Variants in NTM observed in about 807,000 individuals in gnomAD.
NTM encodes IgLON family member 2.
NTM carries 13 observed loss-of-function variants against 42.1 expected under a neutral mutation model. The observed-to-expected ratio is 0.31, with a 90% confidence interval of 0.20 to 0.49. NTM has a LOEUF of 0.49. Ranked by LOEUF, NTM falls within the 20% of genes least tolerant of loss-of-function variation. The probability of loss-of-function intolerance (pLI) is 0.99; values close to 1 mark genes in which losing one functional copy is unlikely to be tolerated. For missense variants in NTM, 373 were observed against 452.8 expected (o/e 0.82, Z 1.60); for synonymous variants, 187 against 179.2 (o/e 1.04, Z -0.35).
intron 7 of NTM, among the ~76,000 whole-genome samples, chr11:132,319,822 C>G: frequency 6.6e-6 from 1 of 152,226 alleles, no homozygotes; most frequent in East Asian, 1.9e-4. Flanking sequence ...ACTGCCTCCT[C>G]CAGTGGGTCC....
At chr11:132,139,437 A>G (rs1233029324) in intron 2 of NTM, among the ~76,000 whole-genome samples, 4 of 152,232 alleles carry the variant, frequency 2.6e-5, no homozygotes, top group Non-Finnish European at 4.4e-5. Flanking sequence ...TTGTAGGTAC[A>G]AATCAAAGTG....
chr11:131,703,667 C>G (rs1459669208), intron 1 of NTM, among the ~76,000 whole-genome samples: 1 of 152,204 alleles, frequency 6.6e-6, no homozygotes, highest in Admixed American at 6.5e-5. Context: ...GGCCACAGCA[C>G]CTTGGTGGAG....
At chr11:132,328,596 T>C (rs890777488) in intron 7 of NTM, among the ~76,000 whole-genome samples, 7 of 152,156 alleles carry the variant, frequency 4.6e-5, no homozygotes, top group Non-Finnish European at 7.3e-5. Context: ...TCTTCCTGTG[T>C]CCTTCCTCCA....
intron 4 of NTM, among the ~76,000 whole-genome samples, chr11:132,243,484 T>C (rs1332636539): frequency 1.3e-5 from 2 of 151,986 alleles, no homozygotes; most frequent in African/African-American, 4.8e-5. Context: ...GGCCTGGGAG[T>C]GCAGAATCCC....
chr11:132,238,300 G>A (rs73597221), intron 4 of NTM, among the ~76,000 whole-genome samples: 19,234 of 152,028 alleles, frequency 0.13, 2,244 homozygotes, highest in African/African-American at 0.31. Flanking sequence ...TGGAGTGAGG[G>A]ACCAAGGGAG....
intron 1 of NTM, among the ~76,000 whole-genome samples, chr11:131,805,103 C>T (rs923152610): frequency 2.2e-4 from 33 of 152,260 alleles, no homozygotes; most frequent in African/African-American, 7.7e-4. Context: ...ATAGATGAAA[C>T]ATTCACGTTA....
At chr11:131,789,639 G>GAAGAAGAAGAA (rs2090496681) in intron 1 of NTM, among the ~76,000 whole-genome samples, 1 of 109,682 alleles carries the variant, frequency 9.1e-6, no homozygotes, top group Non-Finnish European at 1.8e-5. Context: ...AAGAAGAAAA[G>GAAGAAGAAGAA]AAGAAGAAGA....
At chr11:132,140,902 G>A (rs1189220490) in intron 2 of NTM, 1 of 152,218 alleles carries the variant, frequency 6.6e-6, no homozygotes, top group Non-Finnish European at 1.5e-5. Context: ...TGTGATAAGA[G>A]GCAATTGTGA....
At chr11:131,527,621 G>A (rs1201362170) in intron 1 of NTM, among the ~76,000 whole-genome samples, 1 of 152,176 alleles carries the variant, frequency 6.6e-6, no homozygotes, top group Admixed American at 6.5e-5. Context: ...CTTGGAAAAA[G>A]CCATCTTATG....
chr11:131,549,141 G>T (rs908726530), intron 1 of NTM, among the ~76,000 whole-genome samples: 2 of 152,158 alleles, frequency 1.3e-5, no homozygotes, highest in Non-Finnish European at 2.9e-5. Flanking sequence ...ACAGTTTAGA[G>T]GCCGGCTGGG....
intron 4 of NTM, among the ~76,000 whole-genome samples, chr11:132,304,969 T>G (rs369370361): frequency 7.2e-5 from 11 of 152,220 alleles, no homozygotes; most frequent in Admixed American, 6.5e-4. Context: ...CCATACGCCT[T>G]CCCCAAAACT....
chr11:131,537,672 T>C (rs1018020113), intron 1 of NTM: 12 of 152,322 alleles, frequency 7.9e-5, no homozygotes, highest in Non-Finnish European at 1.6e-4. Flanking sequence ...ACCTGTCCCT[T>C]GGCAGGAGAG....
intron 2 of NTM, among the ~76,000 whole-genome samples, chr11:132,038,754 G>T (rs892224660): frequency 1.3e-5 from 2 of 152,284 alleles, no homozygotes; most frequent in Admixed American, 1.3e-4. Flanking sequence ...CAGCCTCAAA[G>T]AAGAAAGCCC....
At chr11:131,906,415 C>G (rs2053861558) in intron 1 of NTM, among the ~76,000 whole-genome samples, 1 of 152,080 alleles carries the variant, frequency 6.6e-6, no homozygotes. Flanking sequence ...CGATCAACTC[C>G]TCCTCCTTCC....
chr11:131,782,449 A>G (rs1356101519), intron 1 of NTM, among the ~76,000 whole-genome samples: 1 of 152,090 alleles, frequency 6.6e-6, no homozygotes, highest in Non-Finnish European at 1.5e-5. Flanking sequence ...TAACAAATCT[A>G]TAGAAATAAT....
At chr11:132,293,436 T>C (rs1365228806) in intron 4 of NTM, among the ~76,000 whole-genome samples, 1 of 152,168 alleles carries the variant, frequency 6.6e-6, no homozygotes, top group Non-Finnish European at 1.5e-5. Flanking sequence ...AAGAATTGGA[T>C]GCTGTCAGGG....
chr11:131,564,249 AC>A (rs1207248417), intron 1 of NTM, among the ~76,000 whole-genome samples: 1 of 148,870 alleles, frequency 6.7e-6, no homozygotes, highest in Admixed American at 6.7e-5. Flanking sequence ...TCCCTATGCC[AC>A]CCTATTTATT....
At chr11:131,751,312 C>A (rs1437392233) in intron 1 of NTM, among the ~76,000 whole-genome samples, 3 of 151,936 alleles carry the variant, frequency 2.0e-5, no homozygotes, top group African/African-American at 4.8e-5. Context: ...AAAGGCTGGG[C>A]ACGGTGGCTC....
At chr11:131,943,897 A>G (rs2060071003) in intron 2 of NTM, among the ~76,000 whole-genome samples, 2 of 142,784 alleles carry the variant, frequency 1.4e-5, no homozygotes, top group Admixed American at 7.4e-5. Flanking sequence ...AGACATTCTA[A>G]TTCCAACTCA....
Sources: allele counts gnomAD v4.1 joint callset (sites outside exome capture counted in the v4.1 genomes callset), GRCh38; gene constraint gnomAD v4.1.1; transcripts MANE v1.5; gene names NCBI Gene and HGNC (gene_info 2026-07-23, HGNC 2026-07-21).